ZNF83: variants seen among roughly 807,000 people sequenced by gnomAD.
ZNF83 encodes the protein zinc finger protein 816B.
For missense variants in ZNF83, 552 were observed against 629.9 expected (o/e 0.88, Z 1.32); for synonymous variants, 209 against 213.0 (o/e 0.98, Z 0.17).
At position 52,621,828 on chromosome 19, in the gene ZNF83, C is replaced by T. The variant is rs149252575; in HGVS notation, c.-233-7031G>A. Among the ~76,000 whole-genome samples, 1,020 of 152,302 alleles carry T rather than the reference C, an allele frequency of 6.7e-3. 7 individuals are homozygous for T. The highest frequency in any genetic ancestry group is 0.022 in the African/African-American group (920 of 41,556). ...ATAATGGCACTTTTGATTTCTCCAT[C>T]CTACAAGACCTAAATAATTTTTGTC... On this transcript the variant is annotated intron_variant, in intron 2 of 2. Coordinates refer to ENST00000301096, the Ensembl canonical transcript of ZNF83.
At chr19:52,676,616 C>T (rs1057303735) in intron 1 of ZNF83, among the ~76,000 whole-genome samples, 2 of 150,210 alleles carry the variant, frequency 1.3e-5, no homozygotes, top group African/African-American at 4.9e-5. Context: ...ACCACCCCGT[C>T]TGGGAGGTGT....
intron 1 of ZNF83, among the ~76,000 whole-genome samples, chr19:52,672,050 A>G (rs767804178): frequency 2.0e-5 from 3 of 152,106 alleles, no homozygotes; most frequent in Admixed American, 2.0e-4. Context: ...CCTGGCTAAC[A>G]TGGTGAAACC....
At chr19:52,617,223 A>G (rs898528992) in intron 2 of ZNF83, 7 of 152,236 alleles carry the variant, frequency 4.6e-5, no homozygotes, top group African/African-American at 1.7e-4. Context: ...AGGGAGCTAC[A>G]AGAACGGGGT....
chr19:52,633,350 C>G (rs570239817), intron 2 of ZNF83, among the ~76,000 whole-genome samples: 12 of 152,324 alleles, frequency 7.9e-5, no homozygotes, highest in African/African-American at 2.4e-4. Context: ...AGCTTTATTG[C>G]TCACACAAAG....
chr19:52,645,677 T>C (rs983964881), intron 3 of ZNF83, among the ~76,000 whole-genome samples: 3 of 151,660 alleles, frequency 2.0e-5, no homozygotes, highest in Admixed American at 6.6e-5. Context: ...CGTGCTGACA[T>C]ATACCTGTAG....
intron 1 of ZNF83, among the ~76,000 whole-genome samples, chr19:52,637,296 A>C (rs1003594423): frequency 3.3e-5 from 5 of 151,812 alleles, no homozygotes; most frequent in Non-Finnish European, 4.4e-5. Context: ...CCTGTCCCCA[A>C]TATGTGGAAC....
In ZNF83 at chr19:52,627,627, A is replaced by G. The variant is rs60895408; in HGVS notation, c.-234+7439T>C. Reference sequence around the variant, plus strand: ...GAGATCATACCAGTACTCTGGCCTGAGCAAAAGAGCAAAACTCAGTCTCAA... The same window carrying G: ...GAGATCATACCAGTACTCTGGCCTGGGCAAAAGAGCAAAACTCAGTCTCAA... On this transcript the variant is annotated intron_variant, in intron 2 of 2. Coordinates refer to ENST00000301096, the Ensembl canonical transcript of ZNF83. Among the ~76,000 whole-genome samples, 1,385 of 152,252 alleles carry G rather than the reference A, an allele frequency of 9.1e-3. 23 individuals are homozygous for G. The highest frequency in any genetic ancestry group is 0.031 in the African/African-American group (1,285 of 41,566).
chr19:52,640,984 T>A (rs2061295906), upstream of ZNF83, among the ~76,000 whole-genome samples: 1 of 152,040 alleles, frequency 6.6e-6, no homozygotes, highest in Non-Finnish European at 1.5e-5. Context: ...GGCAAGAGGA[T>A]GACAGCAGGC....
chr19:52,690,196 A>AC lies in ZNF83; in HGVS notation c.-283+246_-283+247insG, dbSNP rs1323083154. On this transcript the variant is annotated intron_variant, in intron 1 of 5. Coordinates refer to the ZNF83 transcript ENST00000594682. ...AATGATTTTGAGAAAAAAAAAAAAA[A>AC]AACAACAACAACTACGCGATAGGAA... Among the ~76,000 whole-genome samples, 446 of 149,458 alleles carry AC rather than the reference A, an allele frequency of 3.0e-3. 1 individual carries two copies. Among genetic ancestry groups the AC allele is most frequent in the African/African-American group, 0.011 (420 of 39,520 alleles).
In ZNF83 at chr19:52,650,239, C is replaced by A. The variant is rs573486928; in HGVS notation, c.-74+5322G>T. ...GGTAAATTTAAAGGTGGGACCAAAACATGAGCTTGTTACTTTTCTTTCTTT... is the reference window on the plus strand; with the variant it reads ...GGTAAATTTAAAGGTGGGACCAAAAAATGAGCTTGTTACTTTTCTTTCTTT... On this transcript the variant is annotated intron_variant, in intron 3 of 5. Coordinates refer to the ZNF83 transcript ENST00000594682. Among the ~76,000 whole-genome samples the A allele has an allele frequency of 2.6e-3, 368 of 144,114 alleles. 1 individual carries two copies. The highest frequency in any genetic ancestry group is 8.2e-3 in the African/African-American group (314 of 38,382). The allele number at this position is 144,114 out of a possible 152,430, so 94.5% of individuals were successfully genotyped here.
chr19:52,650,600 CTGTT>C (rs1303010077), intron 3 of ZNF83: 2 of 152,164 alleles, frequency 1.3e-5, no homozygotes, highest in Non-Finnish European at 2.9e-5. Context: ...TCCCACTCCT[CTGTT>C]TGTTTTGTGC....
chr19:52,677,842 ACTAGCATG>A (rs921579160), intron 1 of ZNF83, among the ~76,000 whole-genome samples: 1 of 151,846 alleles, frequency 6.6e-6, no homozygotes, highest in East Asian at 1.9e-4. Context: ...GACCAGCCTG[ACTAGCATG>A]CTGAAACCCC....
intron 1 of ZNF83, among the ~76,000 whole-genome samples, chr19:52,685,897 C>CAAAAAAA (rs3055370): frequency 1.5e-5 from 2 of 132,442 alleles, no homozygotes; most frequent in Admixed American, 8.4e-5. Flanking sequence ...GTAACTGTCA[C>CAAAAAAA]AAAAAAAAAA....
chr19:52,613,730 G>A lies in ZNF83; in HGVS notation c.835C>T (p.His279Tyr), dbSNP rs752110104. 7.3e-6 allele frequency: 10 copies of A among 1,362,348 alleles called. 1 individual carries two copies. Among genetic ancestry groups the A allele is most frequent in the Non-Finnish European group, 9.5e-6 (10 of 1,048,244 alleles). 84.4% of individuals were successfully genotyped at this position (1,362,348 alleles called of 1,614,324 possible). Residue 279 changes from histidine to tyrosine, a missense_variant, in exon 3 of 3, where the codon CAT becomes TAT. By Grantham distance (83) the His-to-Tyr change is moderately conservative. Transcript: ENST00000301096. ...TTCTCTCCAGTGTGGATTCTCTGAT[G>A]TTGTGCAAGGTGTGAAATATGATGG...
chr19:52,669,215 A>C (rs570539675), intron 1 of ZNF83, among the ~76,000 whole-genome samples: 1 of 152,312 alleles, frequency 6.6e-6, no homozygotes, highest in East Asian at 1.9e-4. Context: ...AGAGAAAGGA[A>C]AAATAAGACA....
chr19:52,656,894 C>G (rs2061513014), intron 2 of ZNF83, among the ~76,000 whole-genome samples: 1 of 149,270 alleles, frequency 6.7e-6, no homozygotes, highest in African/African-American at 2.5e-5. Context: ...AAATCATGGG[C>G]TTCTCCATTA....
intron 2 of ZNF83, among the ~76,000 whole-genome samples, chr19:52,628,523 G>A (rs1209304030): frequency 6.6e-6 from 1 of 152,128 alleles, no homozygotes; most frequent in Non-Finnish European, 1.5e-5. Flanking sequence ...GCCGGTCACG[G>A]AGTAGGGAAG....
chr19:52,646,222 G>A (rs2061371103), intron 3 of ZNF83, among the ~76,000 whole-genome samples: 1 of 152,118 alleles, frequency 6.6e-6, no homozygotes, highest in African/African-American at 2.4e-5. Flanking sequence ...TTACAGGCAT[G>A]AGCCACCATG....
chr19:52,686,510 AAAAAG>A (rs1436620225), intron 1 of ZNF83, among the ~76,000 whole-genome samples: 2 of 151,170 alleles, frequency 1.3e-5, no homozygotes, highest in African/African-American at 2.4e-5. Flanking sequence ...AAAGAAAAAA[AAAAAG>A]AAATCTATTA....
Sources: allele counts gnomAD v4.1 joint callset (sites outside exome capture counted in the v4.1 genomes callset), GRCh38; gene constraint gnomAD v4.1.1; transcripts MANE v1.5; gene names NCBI Gene and HGNC (gene_info 2026-07-23, HGNC 2026-07-21).